The following TMEM132B variants were observed in gnomAD, a reference collection of about 807,000 sequenced individuals.
The protein encoded by TMEM132B is transmembrane protein 132B.
In TMEM132B, 18 loss-of-function variants were observed where a neutral mutation model predicts 90.8. The ratio of observed to expected loss-of-function variants is 0.20; its 90% confidence interval spans 0.14 to 0.29. The LOEUF (loss-of-function observed/expected upper bound fraction) is 0.29, where lower values mean the gene tolerates loss of function less well. Among genes scored for constraint, TMEM132B ranks in the 10% least tolerant of loss-of-function variants. The probability of loss-of-function intolerance (pLI) is 1.00; values close to 1 mark genes in which losing one functional copy is unlikely to be tolerated. For missense variants in TMEM132B, 1,096 were observed against 1,326.8 expected (o/e 0.83, Z 2.70); for synonymous variants, 504 against 523.3 (o/e 0.96, Z 0.50).
intron 3 of TMEM132B, among the ~76,000 whole-genome samples, chr12:125,472,542 A>T (rs553062925): frequency 6.6e-6 from 1 of 152,296 alleles, no homozygotes; most frequent in East Asian, 1.9e-4. Flanking sequence ...CTGCTGCTCT[A>T]TGAGGAGAAT....
chr12:125,552,421 C>T (rs1285734935), intron 4 of TMEM132B, among the ~76,000 whole-genome samples: 3 of 152,232 alleles, frequency 2.0e-5, no homozygotes, highest in African/African-American at 7.2e-5. Flanking sequence ...AGGAGCAGAG[C>T]TGCCTTAGCC....
rs1035789120 is a variant in TMEM132B, at chr12:125,415,094, C to G, written c.960-437C>G. 6.6e-6 allele frequency among the ~76,000 whole-genome samples: 1 copy of G among 152,198 alleles called. No individual in the cohort carries two copies. The highest frequency in any genetic ancestry group is 2.4e-5 in the African/African-American group (1 of 41,438). On this transcript the variant is annotated intron_variant, in intron 2 of 8. Transcript: ENST00000682704. The surrounding 1 kb of genome is among the most constrained non-coding windows in gnomAD (Gnocchi z 5.3). ...CTCCCAGAGTGCCCAGTGCAATGGC[C>G]TCCTCTTCCATCCCCTGGGCTGTGT...
chr12:125,243,561 C>G (rs1874138364), intron 1 of TMEM132B, among the ~76,000 whole-genome samples: 2 of 152,316 alleles, frequency 1.3e-5, no homozygotes, highest in South Asian at 4.1e-4. Flanking sequence ...CTGCCTCGGC[C>G]TCCCAAAGTG....
intron 2 of TMEM132B, among the ~76,000 whole-genome samples, chr12:125,350,857 G>C (rs763600458): frequency 2.8e-4 from 43 of 152,310 alleles, no homozygotes; most frequent in African/African-American, 1.0e-3. Context: ...GGTCAGGGGC[G>C]TATCATCAGG....
chr12:125,324,181 C>T (rs919799291), intron 1 of TMEM132B, among the ~76,000 whole-genome samples: 2 of 152,166 alleles, frequency 1.3e-5, no homozygotes, highest in Non-Finnish European at 2.9e-5. Context: ...CTTTCAAATG[C>T]CACAATCCGT....
At chr12:125,598,462 A>C (rs1043034175) in intron 5 of TMEM132B, among the ~76,000 whole-genome samples, 2 of 152,312 alleles carry the variant, frequency 1.3e-5, no homozygotes, top group African/African-American at 4.8e-5. Flanking sequence ...CTTTCAGTGT[A>C]AATCAATATG....
chr12:125,512,945 C>T (rs1883019546), intron 3 of TMEM132B, among the ~76,000 whole-genome samples: 1 of 152,228 alleles, frequency 6.6e-6, no homozygotes, highest in South Asian at 2.1e-4. Context: ...CTCTCCAGGA[C>T]ATCAGTGTTG....
intron 5 of TMEM132B, among the ~76,000 whole-genome samples, chr12:125,590,112 T>C (rs571843465): frequency 6.6e-6 from 1 of 152,256 alleles, no homozygotes; most frequent in African/African-American, 2.4e-5. Context: ...GCTCTCCCTT[T>C]GCCTTCTGCC....
At chr12:125,494,743 C>T (rs1882488666) in intron 3 of TMEM132B, among the ~76,000 whole-genome samples, 1 of 134,832 alleles carries the variant, frequency 7.4e-6, no homozygotes, top group African/African-American at 2.8e-5. Context: ...GGATGCGTCC[C>T]CTCCTCTCCC....
At chr12:125,440,139 G>A (rs1025185794) in intron 3 of TMEM132B, among the ~76,000 whole-genome samples, 1 of 151,992 alleles carries the variant, frequency 6.6e-6, no homozygotes, top group East Asian at 1.9e-4. Flanking sequence ...TTCTTTTTTT[G>A]TTGTGTCTCC....
chr12:125,599,273 T>C lies in TMEM132B; in HGVS notation c.1437+15279T>C, dbSNP rs60591400. On this transcript the variant is annotated intron_variant, in intron 5 of 8. Coordinates refer to ENST00000682704, the MANE Select transcript of TMEM132B (RefSeq NM_001366854.1). ...GCTGCCATGTAAGATGTGCCTTTGCTCCTTCTTCACCTTCTGCCGTGATTG... is the reference window on the plus strand; with the variant it reads ...GCTGCCATGTAAGATGTGCCTTTGCCCCTTCTTCACCTTCTGCCGTGATTG... Among the ~76,000 whole-genome samples, 611 of 152,326 alleles carry C rather than the reference T, an allele frequency of 4.0e-3. 4 individuals are homozygous for C. The highest frequency in any genetic ancestry group is 0.013 in the African/African-American group (535 of 41,572).
intron 2 of TMEM132B, among the ~76,000 whole-genome samples, chr12:125,371,402 G>A (rs919435339): frequency 1.3e-5 from 2 of 152,166 alleles, no homozygotes; most frequent in African/African-American, 2.4e-5. Flanking sequence ...GGCATCCGAG[G>A]GACCCGGGGT....
intron 2 of TMEM132B, among the ~76,000 whole-genome samples, chr12:125,399,497 G>A (rs975889269): frequency 4.7e-5 from 7 of 150,144 alleles, no homozygotes; most frequent in South Asian, 2.1e-4. Flanking sequence ...GTGTGTGTGT[G>A]TGTGTGTGTG....
At chr12:125,651,093 CTGT>C in intron 7 of TMEM132B, 140 bp downstream of exon 7, 6 of 1,200,450 alleles carry the variant, frequency 5.0e-6, no homozygotes, top group Non-Finnish European at 6.9e-6. Context: ...TGTATTGCCT[CTGT>C]TTGTTTGTAA....
At chr12:125,552,470 T>G (rs1566071234) in intron 4 of TMEM132B, among the ~76,000 whole-genome samples, 1 of 152,292 alleles carries the variant, frequency 6.6e-6, no homozygotes, top group Non-Finnish European at 1.5e-5. Context: ...GGCACCATGA[T>G]TTGGAGCTGT....
At chr12:125,502,712 A>C (rs977447381) in intron 3 of TMEM132B, among the ~76,000 whole-genome samples, 4 of 152,246 alleles carry the variant, frequency 2.6e-5, no homozygotes, top group African/African-American at 9.6e-5. Context: ...CTACTAGAAT[A>C]TAAACTCCAG....
chr12:125,422,405 C>T (rs1053654174), intron 3 of TMEM132B, among the ~76,000 whole-genome samples: 3 of 152,198 alleles, frequency 2.0e-5, no homozygotes, highest in African/African-American at 7.2e-5. Context: ...TGCTCTTGCC[C>T]AGCCAGCTTT....
At chr12:125,631,229 A>G (rs1290939403) in intron 5 of TMEM132B, among the ~76,000 whole-genome samples, 1 of 151,854 alleles carries the variant, frequency 6.6e-6, no homozygotes, top group African/African-American at 2.4e-5. Flanking sequence ...TTTTTTTCTT[A>G]ATTTGTTCAT....
At chr12:125,583,646 C>T (rs1161129233) in intron 4 of TMEM132B, among the ~76,000 whole-genome samples, 1 of 152,084 alleles carries the variant, frequency 6.6e-6, no homozygotes, top group East Asian at 1.9e-4. Flanking sequence ...TCCAACCAAC[C>T]ATCAGGTTTG....
Sources: gnomAD v4.1 joint callset for allele counts (sites outside exome capture counted in the v4.1 genomes callset) on GRCh38, gnomAD v4.1.1 for gene constraint, Gnocchi (gnomAD v3.1) non-coding constraint, MANE v1.5 for transcripts, NCBI Gene and HGNC (gene_info 2026-07-23, HGNC 2026-07-21) for gene names.